Variants in M1AP observed in about 807,000 individuals in gnomAD.
M1AP encodes the protein meiosis 1 arrest protein.
In M1AP, 39 loss-of-function variants were observed where a neutral mutation model predicts 51.2. The observed-to-expected ratio is 0.76, with a 90% CI of 0.59 to 1.00. The LOEUF (loss-of-function observed/expected upper bound fraction) is 1.00, where lower values mean the gene tolerates loss of function less well. M1AP is among the 50% of genes least tolerant of loss of function. The probability of loss-of-function intolerance (pLI) is 0.00; values close to 1 mark genes in which losing one functional copy is unlikely to be tolerated. For synonymous variants in M1AP, 251 were observed against 249.2 expected (o/e 1.01, Z -0.07); for missense variants, 545 against 641.2 (o/e 0.85, Z 1.62).
chr2:74,637,785 T>C (rs1683069172), intron 2 of M1AP, among the ~76,000 whole-genome samples: 1 of 152,230 alleles, frequency 6.6e-6, no homozygotes, highest in African/African-American at 2.4e-5. Flanking sequence ...CCACTGTCTC[T>C]AGTCCTTCAG....
At position 74,576,650 on chromosome 2, in the gene M1AP, A is replaced by C. The variant is rs1322912857; in HGVS notation, c.770-32T>G. On this transcript the variant is annotated intron_variant, in intron 5 of 10. Transcript: ENST00000421985. ...TAAAAGGAGATTACATTTCAGACAC[A>C]CTACAATTGGAGGAAGGATTGTGGG... 6 of 1,609,462 alleles carry C rather than the reference A, an allele frequency of 3.7e-6. No individual in the cohort carries two copies. In the African/African-American group the frequency reaches 8.0e-5, roughly 22 times the overall value.
intron 7 of M1AP, among the ~76,000 whole-genome samples, chr2:74,571,242 G>C (rs1457665252): frequency 6.6e-6 from 1 of 152,158 alleles, no homozygotes; most frequent in Non-Finnish European, 1.5e-5. Flanking sequence ...GTTATGAGTG[G>C]AAAATTGATA....
In M1AP at chr2:74,625,554, A is replaced by G. The variant is rs150553519; in HGVS notation, c.241-10405T>C. 1.3e-3 allele frequency among the ~76,000 whole-genome samples: 203 copies of G among 152,264 alleles called. 1 individual carries two copies. Among genetic ancestry groups the G allele is most frequent in the South Asian group, 7.1e-3 (34 of 4,822 alleles). ...CAACTCCAAATTCATCCTTCAGTACATGCTCTGTGATAAATTCCTTTAAGC... is the reference window on the plus strand; with the variant it reads ...CAACTCCAAATTCATCCTTCAGTACGTGCTCTGTGATAAATTCCTTTAAGC... On this transcript the variant is annotated intron_variant, in intron 2 of 10. Coordinates refer to ENST00000421985, the MANE Select transcript of M1AP (RefSeq NM_001321739.2).
intron 3 of M1AP, among the ~76,000 whole-genome samples, chr2:74,608,073 T>C (rs1427710502): frequency 6.6e-6 from 1 of 152,112 alleles, no homozygotes; most frequent in African/African-American, 2.4e-5. Flanking sequence ...TGAACCTATA[T>C]TGACACATCA....
chr2:74,631,322 C>A (rs955321678), intron 2 of M1AP, among the ~76,000 whole-genome samples: 1 of 152,018 alleles, frequency 6.6e-6, no homozygotes, highest in Non-Finnish European at 1.5e-5. Flanking sequence ...TAGTGATTAT[C>A]TTTATAACTC....
At position 74,640,297 on chromosome 2, in the gene M1AP, A is replaced by G. The variant is rs375436125; in HGVS notation, c.-22T>C. The G allele has an allele frequency of 2.9e-5, 46 of 1,613,240 alleles. No individual in the cohort carries two copies. Among genetic ancestry groups the G allele is most frequent in the Non-Finnish European group, 3.9e-5 (46 of 1,179,662 alleles). ...GCATGGCAGCAAAACCAGAGGGGGA[A>G]CTGTAGCCACCAGCTGGATATTCTT... On this transcript the variant is annotated 5_prime_UTR_variant, in exon 2 of 11. Coordinates refer to ENST00000421985, the MANE Select transcript of M1AP (RefSeq NM_001321739.2).
intron 2 of M1AP, chr2:74,620,805 C>T: frequency 5.1e-6 from 1 of 195,970 alleles, no homozygotes; most frequent in Non-Finnish European, 1.1e-5. Context: ...AAAATTCTTG[C>T]CTATGCCAGC....
In M1AP at chr2:74,629,727, G is replaced by A. The variant is rs749609077; in HGVS notation, c.240+10309C>T. On this transcript the variant is annotated intron_variant, in intron 2 of 10. Transcript: ENST00000421985. ...AGAACATGCCACTGCACTCTAGCCCGGGCGGCAGAGCAAGATTCTGTCTCA... is the reference window on the plus strand; with the variant it reads ...AGAACATGCCACTGCACTCTAGCCCAGGCGGCAGAGCAAGATTCTGTCTCA... 2.0e-5 allele frequency among the ~76,000 whole-genome samples: 3 copies of A among 151,726 alleles called. 1 individual carries two copies. Among genetic ancestry groups the A allele is most frequent in the South Asian group, 4.2e-4 (2 of 4,818 alleles).
intron 7 of M1AP, among the ~76,000 whole-genome samples, chr2:74,568,760 G>A (rs1450585396): frequency 6.6e-6 from 1 of 152,178 alleles, no homozygotes. Context: ...CCAAAGGGAG[G>A]GGATATACAT....
chr2:74,560,265 C>T lies in M1AP; in HGVS notation c.1308G>A (p.Glu436=), dbSNP rs754437337. 1.2e-6 allele frequency: 2 copies of T among 1,611,580 alleles called. No homozygotes were observed. Among genetic ancestry groups the T allele is most frequent in the Non-Finnish European group, 1.7e-6 (2 of 1,178,816 alleles). Residue 436 remains glutamate, a synonymous_variant, in exon 9 of 11, where the codon GAG becomes GAA. Coordinates refer to ENST00000421985, the MANE Select transcript of M1AP (RefSeq NM_001321739.2). The part of the protein sequence containing the change: ...VESMLDSLEL[E]PTYNPLHVQS... Reference sequence around the variant, plus strand: ...GAACATGCAAGGGGTTGTAGGTGGGCTCCAGCTCCAGGCTGTCCAGCATGC... The same window carrying T: ...GAACATGCAAGGGGTTGTAGGTGGGTTCCAGCTCCAGGCTGTCCAGCATGC...
intron 2 of M1AP, among the ~76,000 whole-genome samples, chr2:74,622,161 T>G (rs1019779317): frequency 6.6e-6 from 1 of 152,108 alleles, no homozygotes; most frequent in Non-Finnish European, 1.5e-5. Flanking sequence ...CAATAAATTT[T>G]TATATTGATT....
At chr2:74,616,691 A>G (rs1271418518) in intron 2 of M1AP, among the ~76,000 whole-genome samples, 1 of 152,208 alleles carries the variant, frequency 6.6e-6, no homozygotes, top group African/African-American at 2.4e-5. Flanking sequence ...AGATTGAGTT[A>G]TTATTAGAAT....
At chr2:74,606,958 T>G in intron 4 of M1AP, 97 bp downstream of exon 4, 1 of 918,396 alleles carries the variant, frequency 1.1e-6, no homozygotes, top group East Asian at 2.6e-5. Context: ...GTTTGTTACA[T>G]ATGTATACAT....
intron 1 of M1AP, among the ~76,000 whole-genome samples, chr2:74,647,750 C>T (rs1355682737): frequency 2.0e-5 from 3 of 152,120 alleles, no homozygotes; most frequent in African/African-American, 2.4e-5. Context: ...AAAAATTAGC[C>T]AGGCGTGGTG....
chr2:74,609,218 C>A (rs142395060), intron 3 of M1AP, among the ~76,000 whole-genome samples: 17 of 152,086 alleles, frequency 1.1e-4, no homozygotes, highest in East Asian at 5.8e-4. Context: ...ACCCTTCCCC[C>A]CTATCCTCAG....
At position 74,640,347 on chromosome 2, in the gene M1AP, A is replaced by C; in HGVS notation, c.-52-20T>G. ...TTACACCTATAGGGAAGGAAAGAGA[A>C]ACCACTGGTTTTCAAACTGAATTAT... On this transcript the variant is annotated intron_variant, in intron 1 of 10. Coordinates refer to ENST00000421985, the MANE Select transcript of M1AP (RefSeq NM_001321739.2). 1 of 1,559,550 alleles carries C rather than the reference A, an allele frequency of 6.4e-7. No homozygotes were observed. Among genetic ancestry groups the C allele is most frequent in the Non-Finnish European group, 8.7e-7 (1 of 1,155,584 alleles).
In M1AP at chr2:74,642,147, G is replaced by A. The variant is rs371557392; in HGVS notation, c.-52-1820C>T. On this transcript the variant is annotated intron_variant, in intron 1 of 10. Coordinates refer to ENST00000421985, the MANE Select transcript of M1AP (RefSeq NM_001321739.2). Reference sequence around the variant, plus strand: ...ACCTGGCCTCCTCAATTAATTTTACGAGGTTAGCACGACCTTTGAAAGTGA... The same window carrying A: ...ACCTGGCCTCCTCAATTAATTTTACAAGGTTAGCACGACCTTTGAAAGTGA... Among the ~76,000 whole-genome samples the A allele has an allele frequency of 5.9e-5, 9 of 152,120 alleles. No homozygotes were observed. In the South Asian group the frequency reaches 6.2e-4, roughly 11 times the overall value.
chr2:74,558,921 A>G, intron 10 of M1AP, 47 bp from the exon 11 acceptor site: 1 of 1,537,928 alleles, frequency 6.5e-7, no homozygotes, highest in Non-Finnish European at 8.7e-7. Flanking sequence ...AGAGTTTCTG[A>G]GCACCTATCC....
chr2:74,563,266 G>T (rs933625333), intron 7 of M1AP, among the ~76,000 whole-genome samples: 1 of 152,136 alleles, frequency 6.6e-6, no homozygotes, highest in Non-Finnish European at 1.5e-5. Flanking sequence ...CAGACAGATA[G>T]AGAGAAGGCA....
Sources: allele counts gnomAD v4.1 joint callset (sites outside exome capture counted in the v4.1 genomes callset), GRCh38; gene constraint gnomAD v4.1.1; transcripts MANE v1.5; gene names NCBI Gene and HGNC (gene_info 2026-07-23, HGNC 2026-07-21).